Variants in KHDRBS2 observed in about 807,000 individuals in gnomAD.
KHDRBS2 encodes KH RNA binding domain containing, signal transduction associated 2.
A neutral mutation model predicts 44.3 loss-of-function variants in KHDRBS2; 26 were observed. The observed-to-expected ratio is 0.59, with a 90% CI of 0.43 to 0.81. The LOEUF (loss-of-function observed/expected upper bound fraction) is 0.81. KHDRBS2 is among the 40% of genes least tolerant of loss of function. KHDRBS2 has a pLI of 0.00. For missense variants in KHDRBS2, 476 were observed against 433.1 expected, an observed-to-expected ratio of 1.10 and a Z score of -0.88; for synonymous variants, 194 against 151.1, an observed-to-expected ratio of 1.28 and a Z score of -2.08.
chr6:61,858,200 C>A (rs1219978298), intron 6 of KHDRBS2, among the ~76,000 whole-genome samples: 2 of 151,056 alleles, frequency 1.3e-5, no homozygotes, highest in Non-Finnish European at 3.0e-5. Flanking sequence ...TCTTTAATGT[C>A]TTTTGTATCT....
intron 6 of KHDRBS2, among the ~76,000 whole-genome samples, chr6:61,891,163 T>C (rs1801765243): frequency 6.6e-6 from 1 of 152,194 alleles, no homozygotes; most frequent in Admixed American, 6.5e-5. Context: ...AGCATGTTTA[T>C]GGATAGTTGA....
intron 3 of KHDRBS2, among the ~76,000 whole-genome samples, chr6:61,986,019 TA>T (rs199700504): frequency 0.014 from 2,158 of 150,888 alleles, 30 homozygotes; most frequent in South Asian, 0.045. Context: ...TATAGTGGTT[TA>T]AAAAAAAAAT....
At chr6:61,665,922 T>TA in the KHDRBS2 span, among the ~76,000 whole-genome samples, 1 of 150,920 alleles carries the variant, frequency 6.6e-6, no homozygotes, top group African/African-American at 2.4e-5. Context: ...AAAATAATTT[T>TA]AAAAAACTAT....
At chr6:62,172,435 A>C (rs1207271906) in intron 2 of KHDRBS2, among the ~76,000 whole-genome samples, 1 of 152,094 alleles carries the variant, frequency 6.6e-6, no homozygotes, top group Non-Finnish European at 1.5e-5. Flanking sequence ...TTAATAAAGC[A>C]AATTCTTAGA....
chr6:61,765,025 C>A (rs1191412225), intron 6 of KHDRBS2, among the ~76,000 whole-genome samples: 3 of 152,066 alleles, frequency 2.0e-5, no homozygotes, highest in African/African-American at 7.2e-5. Context: ...AATAATAGAA[C>A]TATTCTTCAA....
intron 1 of KHDRBS2, among the ~76,000 whole-genome samples, chr6:62,265,433 T>C (rs1585508666): frequency 1.3e-5 from 2 of 152,134 alleles, no homozygotes; most frequent in South Asian, 2.1e-4. Flanking sequence ...TGTATGTGTA[T>C]GTGTATGTGT....
chr6:62,203,933 A>G (rs1827496005), intron 1 of KHDRBS2, among the ~76,000 whole-genome samples: 1 of 152,118 alleles, frequency 6.6e-6, no homozygotes, highest in Non-Finnish European at 1.5e-5. Context: ...CCCTGTGGTA[A>G]CAAATAAGTT....
chr6:62,226,828 G>T (rs1261668836), intron 1 of KHDRBS2, among the ~76,000 whole-genome samples: 1 of 152,076 alleles, frequency 6.6e-6, no homozygotes, highest in South Asian at 2.1e-4. Context: ...AAGATCAGAT[G>T]GTTGTAGATA....
At chr6:61,562,223 AACTTCATGCAAGATCAG>A in the KHDRBS2 span, among the ~76,000 whole-genome samples, 5 of 152,190 alleles carry the variant, frequency 3.3e-5, no homozygotes, top group Non-Finnish European at 5.9e-5. Flanking sequence ...TGTTTATCCT[AACTTCATGCAAGATCAG>A]AGACTACTCT....
At chr6:61,871,443 T>A (rs1231024256) in intron 6 of KHDRBS2, among the ~76,000 whole-genome samples, 1 of 152,116 alleles carries the variant, frequency 6.6e-6, no homozygotes, top group Non-Finnish European at 1.5e-5. Flanking sequence ...TTCAGGATAT[T>A]ATCCAGGAGA....
intron 2 of KHDRBS2, among the ~76,000 whole-genome samples, chr6:62,155,813 T>C (rs1438253355): frequency 6.6e-6 from 1 of 152,202 alleles, no homozygotes; most frequent in Non-Finnish European, 1.5e-5. Flanking sequence ...GTCATTTACA[T>C]GAAGGGTGAA....
At chr6:61,877,582 CAAAG>C (rs1799607448) in intron 6 of KHDRBS2, among the ~76,000 whole-genome samples, 1 of 151,442 alleles carries the variant, frequency 6.6e-6, no homozygotes, top group African/African-American at 2.4e-5. Flanking sequence ...GCTCTGCAAA[CAAAG>C]AAGTAATTTC....
At chr6:62,066,599 C>A (rs980875047) in intron 2 of KHDRBS2, among the ~76,000 whole-genome samples, 7 of 151,620 alleles carry the variant, frequency 4.6e-5, no homozygotes, top group African/African-American at 1.7e-4. Context: ...GATGTTTGTT[C>A]TTTAAAGAAG....
chr6:62,086,181 T>G (rs1243278335), intron 2 of KHDRBS2, among the ~76,000 whole-genome samples: 1 of 152,150 alleles, frequency 6.6e-6, no homozygotes. Context: ...TAAAGAAGCA[T>G]GAAATTTAGC....
intron 6 of KHDRBS2, among the ~76,000 whole-genome samples, chr6:61,751,155 A>G (rs1416364274): frequency 6.6e-6 from 1 of 152,182 alleles, no homozygotes; most frequent in East Asian, 1.9e-4. Flanking sequence ...TAAAATTGTG[A>G]CAGTCTAAAG....
chr6:61,688,911 C>T (rs1206836114), intron 8 of KHDRBS2, among the ~76,000 whole-genome samples: 1 of 151,848 alleles, frequency 6.6e-6, no homozygotes, highest in Non-Finnish European at 1.5e-5. Flanking sequence ...TTCAACCACA[C>T]CTTATAGTTT....
At chr6:62,187,214 TAC>T (rs1301055283) in intron 1 of KHDRBS2, among the ~76,000 whole-genome samples, 1 of 152,144 alleles carries the variant, frequency 6.6e-6, no homozygotes, top group Admixed American at 6.6e-5. Context: ...AAACAAATAT[TAC>T]CTACATTATA....
At chr6:61,994,330 C>A (rs1210050472) in intron 3 of KHDRBS2, among the ~76,000 whole-genome samples, 1 of 152,058 alleles carries the variant, frequency 6.6e-6, no homozygotes, top group African/African-American at 2.4e-5. Flanking sequence ...TCTTTCAAGA[C>A]CAGCATGAAT....
chr6:62,048,466 T>A (rs745393147), intron 2 of KHDRBS2, among the ~76,000 whole-genome samples: 1 of 151,876 alleles, frequency 6.6e-6, no homozygotes, highest in Non-Finnish European at 1.5e-5. Flanking sequence ...AAAATAAAAT[T>A]TGATATTCAA....
Sources: allele counts gnomAD v4.1 joint callset (sites outside exome capture counted in the v4.1 genomes callset), GRCh38; gene constraint gnomAD v4.1.1; transcripts MANE v1.5; gene names NCBI Gene and HGNC (gene_info 2026-07-23, HGNC 2026-07-21).